HECTD2: variants seen among roughly 807,000 people sequenced by gnomAD.
HECTD2 encodes the protein HECT domain E3 ubiquitin protein ligase 2.
A neutral mutation model predicts 103.2 loss-of-function variants in HECTD2; 35 were observed. That is an observed-to-expected ratio of 0.34 (90% CI 0.26 to 0.45). HECTD2 has a LOEUF of 0.45. Ranked by LOEUF, HECTD2 falls within the 20% of genes least tolerant of loss-of-function variation. The pLI, the probability that HECTD2 is intolerant of heterozygous loss-of-function variation, is 1.00. For missense variants in HECTD2, 596 were observed against 937.4 expected (o/e 0.64, Z 4.76); for synonymous variants, 281 against 329.9 (o/e 0.85, Z 1.61).
intron 2 of HECTD2, among the ~76,000 whole-genome samples, chr10:91,454,365 C>T (rs1200510247): frequency 6.6e-6 from 1 of 152,012 alleles, no homozygotes; most frequent in Admixed American, 6.6e-5. Flanking sequence ...CAGAAAATAA[C>T]AGGAGCATCT....
At chr10:91,492,322 TCTC>T in intron 12 of HECTD2, 27 bp from the exon 13 acceptor site, 1 of 1,593,020 alleles carries the variant, frequency 6.3e-7, no homozygotes. Context: ...TGCTCTTTGT[TCTC>T]CTCTACTGTA....
intron 1 of HECTD2, among the ~76,000 whole-genome samples, chr10:91,422,660 G>T (rs1181922952): frequency 6.6e-6 from 1 of 151,990 alleles, no homozygotes; most frequent in African/African-American, 2.4e-5. Flanking sequence ...CACTAGTTTT[G>T]TGTACCTGAA....
chr10:91,487,697 G>C lies in HECTD2; in HGVS notation c.1110G>C (p.Gln370His). Residue 370 changes from glutamine to histidine, a missense_variant, in exon 11 of 21, where the codon CAG becomes CAC. Coordinates refer to ENST00000298068, the MANE Select transcript of HECTD2 (RefSeq NM_182765.6). This position sits in a 1 kb window ranked among gnomAD's most constrained non-coding sequence, Gnocchi z 4.1. ...FGNSHRFSFC[Q>H]YPFVISVAAK... The stretch of plus-strand genomic sequence containing the variant: ...TGTTGAGCAGGTTTTCCTTCTGTCA[G>C]TACCCATTCGTTATTTCTGTAGCTG... 1 of 1,610,132 alleles carries C rather than the reference G, an allele frequency of 6.2e-7. No homozygotes were observed. The highest frequency in any genetic ancestry group is 8.5e-7 in the Non-Finnish European group (1 of 1,176,788).
intron 1 of HECTD2, among the ~76,000 whole-genome samples, chr10:91,424,274 C>T (rs191607911): frequency 6.6e-6 from 1 of 152,238 alleles, no homozygotes; most frequent in African/African-American, 2.4e-5. Flanking sequence ...ATGGCTCTAC[C>T]TAACTGCAAG....
At chr10:91,483,833 G>T (rs553280955) in intron 8 of HECTD2, among the ~76,000 whole-genome samples, 249 of 151,880 alleles carry the variant, frequency 1.6e-3, no homozygotes, top group South Asian at 3.5e-3. Context: ...TTTAATAGAA[G>T]TCATTGATTC....
intron 15 of HECTD2, among the ~76,000 whole-genome samples, chr10:91,496,860 T>A (rs1339718566): frequency 6.6e-6 from 1 of 151,952 alleles, no homozygotes; most frequent in African/African-American, 2.4e-5. Context: ...TTTAATTTTT[T>A]CATAAAAATT....
intron 2 of HECTD2, among the ~76,000 whole-genome samples, chr10:91,447,668 T>C (rs1589491620): frequency 2.7e-5 from 1 of 36,380 alleles, no homozygotes; most frequent in Non-Finnish European, 5.4e-5. Context: ...AATAAAGGGA[T>C]GGAGGAATAT....
chr10:91,438,585 A>G (rs1302137240), intron 2 of HECTD2, among the ~76,000 whole-genome samples: 4 of 148,832 alleles, frequency 2.7e-5, no homozygotes, highest in African/African-American at 7.3e-5. Flanking sequence ...TCCTTTGGGT[A>G]TATACCCATT....
chr10:91,460,404 G>T, intron 2 of HECTD2, 23 bp from the exon 3 acceptor site: 1 of 1,539,242 alleles, frequency 6.5e-7, no homozygotes. Context: ...TCATTATTTT[G>T]AATGTGTTTT....
intron 2 of HECTD2, among the ~76,000 whole-genome samples, chr10:91,426,437 T>C (rs547212450): frequency 2.0e-5 from 3 of 152,080 alleles, no homozygotes; most frequent in Non-Finnish European, 4.4e-5. Flanking sequence ...TATTCTTGCA[T>C]AGAGATTTTC....
intron 2 of HECTD2, among the ~76,000 whole-genome samples, chr10:91,455,033 T>A (rs1845017036): frequency 6.6e-6 from 1 of 152,192 alleles, no homozygotes; most frequent in Non-Finnish European, 1.5e-5. Flanking sequence ...TAAACATACG[T>A]GTGCATGTGT....
Position 91,492,342 on chromosome 10 carries a change from C to T in HECTD2, c.1300-10C>T. 6.2e-7 allele frequency: 1 copy of T among 1,609,704 alleles called. No homozygotes were observed. The highest frequency in any genetic ancestry group is 1.1e-5 in the South Asian group (1 of 90,914). ...TTTGTTCTCCTCTACTGTATAATAT[C>T]TTCAAATAGCTAACCCGGAAAAGAG... On this transcript the variant is annotated splice_polypyrimidine_tract_variant and intron_variant, in intron 12 of 20. Coordinates refer to ENST00000298068, the MANE Select transcript of HECTD2 (RefSeq NM_182765.6).
intron 5 of HECTD2, among the ~76,000 whole-genome samples, chr10:91,469,462 C>T (rs1009499403): frequency 2.6e-5 from 4 of 152,146 alleles, no homozygotes; most frequent in African/African-American, 9.7e-5. Context: ...GCATTCTTAA[C>T]AAAAAGATAT....
At chr10:91,490,446 G>T (rs1400978050) in intron 11 of HECTD2, among the ~76,000 whole-genome samples, 1 of 152,050 alleles carries the variant, frequency 6.6e-6, no homozygotes, top group Admixed American at 6.5e-5. Flanking sequence ...ATGTTGACAA[G>T]TCACTTTTGT....
intron 11 of HECTD2, chr10:91,489,395 G>A (rs1353233496): frequency 3.3e-5 from 5 of 152,156 alleles, no homozygotes; most frequent in African/African-American, 1.2e-4. Flanking sequence ...GTAAGCAAGA[G>A]CTTATATGGT....
chr10:91,474,975 G>A (rs543328266), intron 5 of HECTD2, among the ~76,000 whole-genome samples: 27 of 152,264 alleles, frequency 1.8e-4, no homozygotes, highest in African/African-American at 6.0e-4. Context: ...CCTGAGAAGG[G>A]AACACAATTG....
intron 5 of HECTD2, among the ~76,000 whole-genome samples, chr10:91,476,185 A>ATGT (rs1845894739): frequency 6.6e-6 from 1 of 152,208 alleles, no homozygotes; most frequent in African/African-American, 2.4e-5. Context: ...TTTAATAACC[A>ATGT]TGTCCTTGAC....
chr10:91,501,163 G>C (rs753159211), intron 19 of HECTD2, 28 bp from the exon 20 acceptor site: 1 of 1,592,330 alleles, frequency 6.3e-7, no homozygotes, highest in East Asian at 2.2e-5. Context: ...CAAGACATTT[G>C]ATGTTAATTT....
rs1392457455 is a variant in HECTD2 at position 91,491,225 on chromosome 10, G to A, written c.1217G>A (p.Arg406Gln). Residue 406 changes from arginine to glutamine, a missense_variant, in exon 12 of 21, where the codon CGA becomes CAA. Physicochemically the swap from Arg to Gln is conservative, Grantham distance 43. Transcript: ENST00000298068. ...ARQSLVDKVS[R>Q]RQRPDMNILF... ...CAAAGTCTGGTGGATAAAGTATCTC[G>A]AAGACAGAGACCTGATATGAATATA... The A allele has an allele frequency of 1.6e-5, 26 of 1,579,844 alleles. No homozygotes were observed. The highest frequency in any genetic ancestry group is 2.1e-5 in the Non-Finnish European group (24 of 1,154,524).
Sources: gnomAD v4.1 joint callset for allele counts (sites outside exome capture counted in the v4.1 genomes callset) on GRCh38, gnomAD v4.1.1 for gene constraint, Gnocchi (gnomAD v3.1) non-coding constraint, MANE v1.5 for transcripts, NCBI Gene and HGNC (gene_info 2026-07-23, HGNC 2026-07-21) for gene names.